Variants in ZSCAN32 observed in about 807,000 individuals in gnomAD.
ZSCAN32 encodes the protein zinc finger and SCAN domain-containing protein 32.
Under a neutral mutation model 47.4 loss-of-function variants are expected in ZSCAN32, and 52 were observed. The ratio of observed to expected loss-of-function variants is 1.10; its 90% CI spans 0.88 to 1.38. The LOEUF (loss-of-function observed/expected upper bound fraction) is 1.38. Among genes scored for constraint, ZSCAN32 ranks in the 40% most tolerant of loss-of-function variants. The pLI, the probability that ZSCAN32 is intolerant of heterozygous loss-of-function variation, is 0.00. For missense variants in ZSCAN32, 959 were observed against 846.0 expected (o/e 1.13, Z -1.66); for synonymous variants, 346 against 305.7 (o/e 1.13, Z -1.38).
Position 3,397,186 on chromosome 16 carries a change from T to A in ZSCAN32, c.366+6A>T, listed in dbSNP as rs1342350749. ...AAACCACAAAGTTCCGACTTCCTTT[T>A]CTCACCTGTTGTCCAGGAGCTCTCT... is the stretch of plus-strand genomic sequence containing the variant. On this transcript the variant is annotated splice_donor_region_variant and intron_variant, in intron 2 of 6. Transcript: ENST00000396852. 1 of 1,503,278 alleles carries A rather than the reference T, an allele frequency of 6.7e-7. No individual in the cohort carries two copies. Among genetic ancestry groups the A allele is most frequent in the East Asian group, 2.5e-5 (1 of 40,478 alleles). The allele number at this position is 1,503,278 out of a possible 1,614,324, so 93.1% of individuals were successfully genotyped here. A position where few individuals can be genotyped will look rare whatever the true frequency, so the allele number is the denominator to read the frequency against.
chr16:3,382,623 C>A lies in ZSCAN32; in HGVS notation c.*229G>T. On this transcript the variant is annotated 3_prime_UTR_variant, in exon 7 of 7. Transcript: ENST00000396852. ...CTGGTAGAATTTATGGATCCTACAGCTTTCTCTCCATCAAACTTTAAGTCA... is the reference window on the plus strand; with the variant it reads ...CTGGTAGAATTTATGGATCCTACAGATTTCTCTCCATCAAACTTTAAGTCA... The A allele has an allele frequency of 2.2e-6, 1 of 463,090 alleles. No homozygotes were observed. The highest frequency in any genetic ancestry group is 3.5e-6 in the Non-Finnish European group (1 of 281,742). 28.7% of individuals were successfully genotyped at this position (463,090 alleles called of 1,614,324 possible). A position where few individuals can be genotyped will look rare whatever the true frequency, so the allele number is the denominator to read the frequency against.
At chr16:3,387,367 T>C (rs948764457) in intron 5 of ZSCAN32, among the ~76,000 whole-genome samples, 3 of 152,244 alleles carry the variant, frequency 2.0e-5, no homozygotes, top group Non-Finnish European at 4.4e-5. Context: ...CCCATCTCTA[T>C]CTGTTTATAT....
Position 3,397,704 on chromosome 16 carries a change from A to G in ZSCAN32, c.-147T>C. ...ACATGAGAGTGTCAGACATGTGTAG[A>G]GACTCACAGCGGAAAAAAAGGGCTC... On this transcript the variant is annotated 5_prime_UTR_variant, in exon 2 of 7. Transcript: ENST00000396852. 9.1e-7 allele frequency: 1 copy of G among 1,101,276 alleles called. No individual in the cohort carries two copies. Among genetic ancestry groups the G allele is most frequent in the South Asian group, 1.8e-5 (1 of 55,516 alleles). The allele number at this position is 1,101,276 out of a possible 1,614,324, so 68.2% of individuals were successfully genotyped here.
At chr16:3,393,467 C>A (rs1259794221) in intron 3 of ZSCAN32, among the ~76,000 whole-genome samples, 182 bp downstream of exon 3, 1 of 150,326 alleles carries the variant, frequency 6.7e-6, no homozygotes, top group Non-Finnish European at 1.5e-5. Context: ...CTCAGGTGAT[C>A]CGCCTGTCTG....
At chr16:3,386,586 A>G (rs1471458452) in intron 5 of ZSCAN32, among the ~76,000 whole-genome samples, 1 of 152,256 alleles carries the variant, frequency 6.6e-6, no homozygotes, top group Non-Finnish European at 1.5e-5. Flanking sequence ...TGTGGCATGT[A>G]TACACCATGG....
At position 3,383,324 on chromosome 16, in the gene ZSCAN32, C is replaced by G. The variant is rs986411878; in HGVS notation, c.1622G>C (p.Arg541Thr). 9 of 1,614,160 alleles carry G rather than the reference C, an allele frequency of 5.6e-6. No homozygotes were observed. The highest frequency in any genetic ancestry group is 6.8e-6 in the Non-Finnish European group (8 of 1,180,034). Residue 541 changes from arginine (R) to threonine (T), a missense_variant, in exon 7 of 7, where the codon AGA becomes ACA. Arg to Thr is a moderately conservative substitution (Grantham distance 71, BLOSUM62 -1). Coordinates refer to ENST00000396852, the MANE Select transcript of ZSCAN32 (RefSeq NM_001284527.2). Reference protein sequence around the residue: ...SRSSYLVRHQRIHTGEKPHKC... With the variant: ...SRSSYLVRHQTIHTGEKPHKC... ...GTGAGGCTTCTCGCCTGTGTGGATTCTTTGATGCCGAACAAGATAAGAACT... is the reference window on the plus strand; with the variant it reads ...GTGAGGCTTCTCGCCTGTGTGGATTGTTTGATGCCGAACAAGATAAGAACT...
intron 3 of ZSCAN32, among the ~76,000 whole-genome samples, chr16:3,392,778 A>G (rs2032874332): frequency 1.3e-5 from 2 of 152,120 alleles, no homozygotes; most frequent in South Asian, 4.1e-4. Context: ...GTAAGCCAAG[A>G]TCGCATTACT....
chr16:3,384,724 G>T lies in ZSCAN32; in HGVS notation c.969C>A (p.Gly323=), dbSNP rs34097514. Residue 323 remains glycine (G), a synonymous_variant, in exon 6 of 7, where the codon GGC becomes GGA. Transcript: ENST00000396852. ...LQLSYRKVRR[G]RVPEPCIFYE... is the part of the protein sequence containing the mutation. ...AAAAGATACAAGGCTCAGGCACACG[G>T]CCTCTCCTCACTTTGCGGTAACTCA... 31 of 1,614,050 alleles carry T rather than the reference G, an allele frequency of 1.9e-5. No individual in the cohort carries two copies. Among genetic ancestry groups the T allele is most frequent in the Non-Finnish European group, 2.5e-5 (29 of 1,180,042 alleles).
intron 3 of ZSCAN32, among the ~76,000 whole-genome samples, chr16:3,391,151 T>A (rs897833225): frequency 9.2e-5 from 14 of 152,200 alleles, no homozygotes; most frequent in Non-Finnish European, 1.9e-4. Context: ...TATGTGACCC[T>A]TCGGGAGGTG....
rs1378653442 is a variant in ZSCAN32 at position 3,390,152 on chromosome 16, T to G, written c.628-19A>C. 3 of 1,589,672 alleles carry G rather than the reference T, an allele frequency of 1.9e-6. No homozygotes were observed. In the African/African-American group the frequency reaches 4.0e-5, roughly 21 times the overall value. On this transcript the variant is annotated intron_variant, in intron 4 of 6. Coordinates refer to ENST00000396852, the MANE Select transcript of ZSCAN32 (RefSeq NM_001284527.2). ...CTGGTCCCTGTAACAACACTGGAGC[T>G]GCTGCTACCGATAAAATAGCACCAC...
chr16:3,383,260 G>A lies in ZSCAN32; in HGVS notation c.1686C>T (p.Ser562=). 1 of 1,614,172 alleles carries A rather than the reference G, an allele frequency of 6.2e-7. No homozygotes were observed. ...SECGKGFSER[S]NLTAHLRTHT... ...GAGTTCGTAGGTGGGCAGTGAGGTT[G>A]GAGCGCTCACTAAAGCCCTTCCCGC... The change falls in exon 7 of 7, where the codon TCC becomes TCT. Residue 562 remains serine (S), a synonymous_variant. Transcript: ENST00000396852.
chr16:3,384,687 T>C lies in ZSCAN32; in HGVS notation c.1006A>G (p.Asn336Asp). ...GAGGCCCAGGAGCCTGAAAGAGCAT[T>C]CATTTCCTCATAAAAGATACAAGGC... Reference protein sequence around the residue: ...PEPCIFYEEMNALSGSWASAP... With the variant: ...PEPCIFYEEMDALSGSWASAP... The change falls in exon 6 of 7, where the codon AAT (asparagine) becomes GAT (aspartate). Residue 336 changes from asparagine (N) to aspartate (D), a missense_variant. Asn to Asp is a conservative substitution (Grantham distance 23). Transcript: ENST00000396852. The C allele has an allele frequency of 6.2e-7, 1 of 1,614,126 alleles. No individual in the cohort carries two copies. Among genetic ancestry groups the C allele is most frequent in the Non-Finnish European group, 8.5e-7 (1 of 1,180,014 alleles).
intron 2 of ZSCAN32, among the ~76,000 whole-genome samples, chr16:3,394,039 G>A (rs1357836258): frequency 1.3e-5 from 2 of 152,142 alleles, no homozygotes; most frequent in East Asian, 3.8e-4. Flanking sequence ...GAGGCAGGTG[G>A]ATCACGTGAG....
Position 3,384,464 on chromosome 16 carries a change from C to CGG in ZSCAN32, c.1228_1229insCC (p.Arg410ThrfsTer16). ...CAGAGCCAAGGGAGTCTTACCAAGT[C>CGG]TGTTTGGGAACAGCACTGGCAGGTC... On this transcript the variant is annotated frameshift_variant, in exon 6 of 7. Transcript: ENST00000396852. LOFTEE classifies it low-confidence loss of function (END_TRUNC). The CGG allele has an allele frequency of 6.2e-7, 1 of 1,614,120 alleles. No homozygotes were observed. The highest frequency in any genetic ancestry group is 2.2e-5 in the East Asian group (1 of 44,874).
At position 3,393,669 on chromosome 16, in the gene ZSCAN32, C is replaced by G; in HGVS notation, c.512G>C (p.Arg171Thr). The G allele has an allele frequency of 6.5e-7, 1 of 1,548,330 alleles. No homozygotes were observed. Among genetic ancestry groups the G allele is most frequent in the Non-Finnish European group, 8.7e-7 (1 of 1,145,994 alleles). ...TFKGSQSSHQRPGEQSEAWLA... is the reference protein window; with the variant it reads ...TFKGSQSSHQTPGEQSEAWLA... Reference sequence around the variant, plus strand: ...CTTACCTTCTGACTGTTCCCCTGGTCTTTGGTGTGAGCTCTGTGATCCCTT... The same window carrying G: ...CTTACCTTCTGACTGTTCCCCTGGTGTTTGGTGTGAGCTCTGTGATCCCTT... The change falls in exon 3 of 7, where the codon AGA (arginine) becomes ACA (threonine). Residue 171 changes from arginine to threonine, a missense_variant. By Grantham distance (71) the Arg-to-Thr change is moderately conservative. Transcript: ENST00000396852.
chr16:3,390,629 T>G lies in ZSCAN32; in HGVS notation c.533-112A>C, dbSNP rs541037318. On this transcript the variant is annotated intron_variant, in intron 3 of 6. Transcript: ENST00000396852. ...CGCATCAGCAGCCCCTGGCAACCCATCAGAAATACAAATTCTGGGGCCCCA... is the reference window on the plus strand; with the variant it reads ...CGCATCAGCAGCCCCTGGCAACCCAGCAGAAATACAAATTCTGGGGCCCCA... 5 of 818,572 alleles carry G rather than the reference T, an allele frequency of 6.1e-6. No individual in the cohort carries two copies. In the African/African-American group the frequency reaches 8.9e-5, roughly 15 times the overall value. 50.7% of individuals were successfully genotyped at this position (818,572 alleles called of 1,614,324 possible).
At chr16:3,383,752 A>C in intron 6 of ZSCAN32, 41 bp from the exon 7 acceptor site, 1 of 1,533,078 alleles carries the variant, frequency 6.5e-7, no homozygotes, top group Admixed American at 2.2e-5. Flanking sequence ...TGGACTATAG[A>C]GAAGGAAAAC....
Position 3,382,729 on chromosome 16 carries a change from G to T in ZSCAN32, c.*123C>A. 1 of 1,448,422 alleles carries T rather than the reference G, an allele frequency of 6.9e-7. No homozygotes were observed. Among genetic ancestry groups the T allele is most frequent in the Non-Finnish European group, 9.2e-7 (1 of 1,090,002 alleles). 89.7% of individuals were successfully genotyped at this position (1,448,422 alleles called of 1,614,324 possible). On this transcript the variant is annotated 3_prime_UTR_variant, in exon 7 of 7. Coordinates refer to ENST00000396852, the MANE Select transcript of ZSCAN32 (RefSeq NM_001284527.2). ...TGCTGACTCCTGGTCCTAGACATGG[G>T]TCTTAAGATCCAGTAGTCAGTAGGT... is the stretch of plus-strand genomic sequence containing the variant.
chr16:3,399,478 A>G (rs1375090411), intron 1 of ZSCAN32, among the ~76,000 whole-genome samples: 1 of 152,260 alleles, frequency 6.6e-6, no homozygotes, highest in African/African-American at 2.4e-5. Flanking sequence ...ACAAGAGGAC[A>G]ATATACTCAA....
Sources: gnomAD v4.1 joint callset for allele counts (sites outside exome capture counted in the v4.1 genomes callset) on GRCh38, gnomAD v4.1.1 for gene constraint, MANE v1.5 for transcripts, NCBI Gene and HGNC (gene_info 2026-07-23, HGNC 2026-07-21) for gene names.